The following TRDN variants were observed in gnomAD, a reference collection of about 807,000 sequenced individuals.
TRDN encodes triadin in skeletal muscle.
In TRDN, 161 loss-of-function variants were observed where a neutral mutation model predicts 149.7. That is an observed-to-expected ratio of 1.08 (90% confidence interval 0.95 to 1.23). The LOEUF is 1.23. TRDN is among the 50% of genes most tolerant of loss of function. TRDN has a pLI of 0.00. For synonymous variants in TRDN, 294 were observed against 250.5 expected, an observed-to-expected ratio of 1.17 and a Z score of -1.64; for missense variants, 896 against 823.5, an observed-to-expected ratio of 1.09 and a Z score of -1.08.
intron 38 of TRDN, among the ~76,000 whole-genome samples, chr6:123,226,189 T>A (rs982595089): frequency 6.6e-6 from 1 of 151,792 alleles, no homozygotes; most frequent in Admixed American, 6.6e-5. Context: ...AAAATGACCA[T>A]GGTCTTGAAC....
intron 1 of TRDN, chr6:123,583,965 A>T (rs1288561101): frequency 4.0e-6 from 1 of 247,160 alleles, no homozygotes; most frequent in Admixed American, 4.3e-5. Flanking sequence ...AGAGGTTCAA[A>T]GAGGCGGGAT....
chr6:123,516,544 T>A (rs1779419688), intron 5 of TRDN, among the ~76,000 whole-genome samples: 1 of 152,120 alleles, frequency 6.6e-6, no homozygotes. Context: ...CCGGCTTTGA[T>A]ATTGGATGAA....
chr6:123,513,828 G>A (rs557608481), intron 6 of TRDN, among the ~76,000 whole-genome samples: 1 of 151,992 alleles, frequency 6.6e-6, no homozygotes, highest in East Asian at 1.9e-4. Context: ...AAATATTGAA[G>A]CATATTTCAA....
At chr6:123,394,898 A>G (rs1772656102) in intron 12 of TRDN, among the ~76,000 whole-genome samples, 1 of 152,128 alleles carries the variant, frequency 6.6e-6, no homozygotes, top group African/African-American at 2.4e-5. Flanking sequence ...TGCTAGTACC[A>G]TCTTTGTCAA....
intron 12 of TRDN, among the ~76,000 whole-genome samples, chr6:123,397,940 A>C (rs977007619): frequency 6.6e-6 from 1 of 152,238 alleles, no homozygotes; most frequent in Non-Finnish European, 1.5e-5. Flanking sequence ...CAAAGAAATG[A>C]AAACAGCTTT....
intron 14 of TRDN, among the ~76,000 whole-genome samples, chr6:123,387,174 T>C (rs1483160944): frequency 6.6e-6 from 1 of 152,132 alleles, no homozygotes; most frequent in Admixed American, 6.6e-5. Flanking sequence ...ATTATTTTTG[T>C]CAAAGTTTTT....
intron 21 of TRDN, among the ~76,000 whole-genome samples, chr6:123,341,855 GA>G (rs1340062539): frequency 1.3e-5 from 2 of 151,996 alleles, no homozygotes; most frequent in East Asian, 3.9e-4. Context: ...TTAAAACAGT[GA>G]CATATACAAA....
At chr6:123,270,434 T>C (rs1342965642) in intron 30 of TRDN, among the ~76,000 whole-genome samples, 1 of 151,790 alleles carries the variant, frequency 6.6e-6, no homozygotes, top group East Asian at 1.9e-4. Flanking sequence ...TTTCACAGAG[T>C]TTTTCTTTTG....
chr6:123,608,927 C>T (rs1305847307), intron 1 of TRDN, among the ~76,000 whole-genome samples: 3 of 151,842 alleles, frequency 2.0e-5, no homozygotes, highest in Non-Finnish European at 4.4e-5. Flanking sequence ...AATCTCAGCA[C>T]TTTGGGAAGC....
intron 2 of TRDN, among the ~76,000 whole-genome samples, chr6:123,566,389 C>T (rs1241971313): frequency 2.0e-5 from 3 of 152,162 alleles, no homozygotes; most frequent in Non-Finnish European, 2.9e-5. Context: ...TTCTGCATGT[C>T]CCCAACTAGT....
At chr6:123,306,120 C>T (rs1038885893) in intron 24 of TRDN, among the ~76,000 whole-genome samples, 2 of 152,148 alleles carry the variant, frequency 1.3e-5, no homozygotes, top group Admixed American at 6.6e-5. Flanking sequence ...AAAGCCAACT[C>T]TTCCAACAGG....
chr6:123,431,247 A>G (rs575182378), intron 12 of TRDN, among the ~76,000 whole-genome samples: 17 of 152,292 alleles, frequency 1.1e-4, no homozygotes, highest in African/African-American at 4.1e-4. Context: ...GAGCCTCACT[A>G]AGTCAAGGCT....
intron 9 of TRDN, among the ~76,000 whole-genome samples, chr6:123,484,472 T>A (rs1199930569): frequency 6.6e-6 from 1 of 152,198 alleles, no homozygotes; most frequent in Non-Finnish European, 1.5e-5. Flanking sequence ...CATGGTGCAT[T>A]AATAAATAAC....
At chr6:123,471,441 C>T (rs1382122824) in intron 9 of TRDN, 1 of 152,128 alleles carries the variant, frequency 6.6e-6, no homozygotes, top group Non-Finnish European at 1.5e-5. Context: ...AATAATACAT[C>T]TTATTGTTAA....
intron 1 of TRDN, among the ~76,000 whole-genome samples, chr6:123,592,181 C>G (rs951222213): frequency 1.3e-5 from 2 of 152,108 alleles, no homozygotes; most frequent in African/African-American, 2.4e-5. Flanking sequence ...GGCTTTTTCT[C>G]TGGGCAATTG....
At chr6:123,545,596 T>C (rs1000712159) in intron 4 of TRDN, among the ~76,000 whole-genome samples, 1 of 151,832 alleles carries the variant, frequency 6.6e-6, no homozygotes, top group Non-Finnish European at 1.5e-5. Flanking sequence ...ATTAAGAAAA[T>C]ATATTCAGGT....
chr6:123,350,900 T>G (rs909321675), intron 21 of TRDN: 1 of 984,196 alleles, frequency 1.0e-6, no homozygotes, highest in East Asian at 1.1e-4. Context: ...AGGAGTAAGA[T>G]CCTATCTCTA....
intron 31 of TRDN, 100 bp from the exon 32 acceptor site, chr6:123,267,851 A>T (rs1777065543): frequency 1.2e-6 from 1 of 832,092 alleles, no homozygotes; most frequent in East Asian, 3.0e-5. Context: ...CCCAAGAGGC[A>T]TGCCCCAAAG....
At chr6:123,508,428 G>A (rs1348819869) in intron 7 of TRDN, among the ~76,000 whole-genome samples, 1 of 152,140 alleles carries the variant, frequency 6.6e-6, no homozygotes, top group Non-Finnish European at 1.5e-5. Flanking sequence ...GCGATAAAAT[G>A]TCTTCCTGAA....
Sources: allele counts gnomAD v4.1 joint callset (sites outside exome capture counted in the v4.1 genomes callset), GRCh38; gene constraint gnomAD v4.1.1; transcripts MANE v1.5; gene names NCBI Gene and HGNC (gene_info 2026-07-23, HGNC 2026-07-21).